Variants in CDH11 observed in about 807,000 individuals in gnomAD.
CDH11 encodes cadherin 11, also known as cadherin-11.
In CDH11, 11 loss-of-function variants were observed where a neutral mutation model predicts 67.8. The ratio of observed to expected loss-of-function variants is 0.16; its 90% CI spans 0.10 to 0.27. The LOEUF (loss-of-function observed/expected upper bound fraction) is 0.27, where lower values mean the gene tolerates loss of function less well. CDH11 is among the 10% of genes least tolerant of loss of function. The pLI is 1.00. For missense variants in CDH11, 847 were observed against 1,031.2 expected, an observed-to-expected ratio of 0.82 and a Z score of 2.45; for synonymous variants, 419 against 400.0, an observed-to-expected ratio of 1.05 and a Z score of -0.57.
At chr16:65,048,532 C>T (rs937552816) in intron 2 of CDH11, among the ~76,000 whole-genome samples, 20 of 150,544 alleles carry the variant, frequency 1.3e-4, no homozygotes, top group Middle Eastern at 3.5e-3. Context: ...GAAAATGTGG[C>T]GTGTGTGTGT....
At chr16:64,957,982 A>C (rs1393885530) in intron 11 of CDH11, among the ~76,000 whole-genome samples, 1 of 152,190 alleles carries the variant, frequency 6.6e-6, no homozygotes, top group Non-Finnish European at 1.5e-5. Flanking sequence ...TGAACTTACT[A>C]GTCTGTGTGT....
At chr16:65,012,961 ATT>A (rs2073213349) in intron 2 of CDH11, among the ~76,000 whole-genome samples, 1 of 152,210 alleles carries the variant, frequency 6.6e-6, no homozygotes, top group Non-Finnish European at 1.5e-5. Context: ...AGGTTCTGCT[ATT>A]GAACCATAGT....
chr16:64,979,854 G>A lies in CDH11; in HGVS notation c.1253+2194C>T, dbSNP rs142633075. On this transcript the variant is annotated intron_variant, in intron 8 of 12. Coordinates refer to ENST00000268603, the MANE Select transcript of CDH11 (RefSeq NM_001797.4). ...GATAAATGAGCAAATAAAATGTGGTGCACCCATACAATGAAAAATTACTTC... is the reference window on the plus strand; with the variant it reads ...GATAAATGAGCAAATAAAATGTGGTACACCCATACAATGAAAAATTACTTC... 2.6e-3 allele frequency among the ~76,000 whole-genome samples: 344 copies of A among 132,940 alleles called. 4 individuals are homozygous for A. Among genetic ancestry groups the A allele is most frequent in the African/African-American group, 8.1e-3 (315 of 39,026 alleles). 87.2% of individuals were successfully genotyped at this position (132,940 alleles called of 152,430 possible).
chr16:65,033,273 T>A (rs8053532), intron 2 of CDH11, among the ~76,000 whole-genome samples: 1 of 103,564 alleles, frequency 9.7e-6, no homozygotes, highest in South Asian at 2.8e-4. Flanking sequence ...CACACACACA[T>A]ACAGATTTTG....
intron 2 of CDH11, among the ~76,000 whole-genome samples, chr16:65,014,884 T>C (rs914772298): frequency 6.6e-6 from 1 of 151,768 alleles, no homozygotes; most frequent in African/African-American, 2.4e-5. Context: ...AGATGGAGTT[T>C]CGCTCTTTTT....
intron 4 of CDH11, among the ~76,000 whole-genome samples, chr16:64,993,427 T>C (rs2072682910): frequency 6.6e-6 from 1 of 152,192 alleles, no homozygotes; most frequent in Admixed American, 6.5e-5. Flanking sequence ...TAATTAACGA[T>C]AAATTGCTTT....
chr16:65,066,864 C>T (rs1200554576), intron 1 of CDH11, among the ~76,000 whole-genome samples: 1 of 152,202 alleles, frequency 6.6e-6, no homozygotes, highest in Non-Finnish European at 1.5e-5. Flanking sequence ...TGCTGCAAAC[C>T]ATAAACACAG....
At chr16:65,051,434 G>C (rs2074055018) in intron 2 of CDH11, among the ~76,000 whole-genome samples, 1 of 126,408 alleles carries the variant, frequency 7.9e-6, no homozygotes, top group Non-Finnish European at 1.6e-5. Context: ...ATTCATTCAG[G>C]AGAAAGGCAG....
rs2073016663 is a variant in CDH11, at chr16:65,004,982, T to C, written c.-113A>G. 2 of 1,425,832 alleles carry C rather than the reference T, an allele frequency of 1.4e-6. No individual in the cohort carries two copies. Among genetic ancestry groups the C allele is most frequent in the African/African-American group, 1.5e-5 (1 of 68,790 alleles). The allele number at this position is 1,425,832 out of a possible 1,614,324, so 88.3% of individuals were successfully genotyped here. A position where few individuals can be genotyped will look rare whatever the true frequency, so the allele number is the denominator to read the frequency against. On this transcript the variant is annotated 5_prime_UTR_variant, in exon 3 of 13. Coordinates refer to ENST00000268603, the MANE Select transcript of CDH11 (RefSeq NM_001797.4). ...CGCGTCACGCAGACCTCTCTTGGGA[T>C]GGAATGTCTCTGCTGGTTGAGCTCA...
chr16:64,978,900 AAAAAG>A (rs2072251479), intron 8 of CDH11, among the ~76,000 whole-genome samples: 1 of 152,314 alleles, frequency 6.6e-6, no homozygotes, highest in African/African-American at 2.4e-5. Flanking sequence ...GACATTAAAA[AAAAAG>A]AATAGACCCA....
In CDH11 at chr16:65,003,028, G is replaced by A. The variant is rs941676205; in HGVS notation, c.228+1614C>T. On this transcript the variant is annotated intron_variant, in intron 3 of 12. Coordinates refer to ENST00000268603, the MANE Select transcript of CDH11 (RefSeq NM_001797.4). Reference sequence around the variant, plus strand: ...ATCTAGTTTACATTTTGCCTAGCACGGCAGCTGCTCCACATGATAGGATTT... The same window carrying A: ...ATCTAGTTTACATTTTGCCTAGCACAGCAGCTGCTCCACATGATAGGATTT... Among the ~76,000 whole-genome samples the A allele has an allele frequency of 4.1e-5, 6 of 147,788 alleles. No individual in the cohort carries two copies. The South Asian group carries it at 6.4e-4, about 16-fold the overall frequency.
chr16:65,114,487 A>G (rs1261131440), intron 1 of CDH11, among the ~76,000 whole-genome samples: 2 of 151,852 alleles, frequency 1.3e-5, no homozygotes, highest in East Asian at 3.9e-4. Flanking sequence ...TCATTTTCCT[A>G]TTTGTAAATA....
intron 11 of CDH11, among the ~76,000 whole-genome samples, chr16:64,965,241 G>C (rs868543983): frequency 6.6e-6 from 1 of 150,484 alleles, no homozygotes; most frequent in African/African-American, 2.4e-5. Context: ...AATTAGCCGG[G>C]TGTGCTGGCG....
intron 1 of CDH11, among the ~76,000 whole-genome samples, chr16:65,095,962 C>A (rs1160460731): frequency 6.6e-6 from 1 of 152,158 alleles, no homozygotes; most frequent in Non-Finnish European, 1.5e-5. Context: ...TCAGTAATTA[C>A]AAATTGAAAA....
chr16:65,016,792 A>G (rs993816794), intron 2 of CDH11, among the ~76,000 whole-genome samples: 1 of 152,232 alleles, frequency 6.6e-6, no homozygotes, highest in Non-Finnish European at 1.5e-5. Context: ...CCATAGACAG[A>G]GTAGCAGCAT....
In CDH11 at chr16:65,061,735, C is replaced by T. The variant is rs1597147403; in HGVS notation, c.-297-7807G>A. On this transcript the variant is annotated intron_variant, in intron 1 of 12. Coordinates refer to ENST00000268603, the MANE Select transcript of CDH11 (RefSeq NM_001797.4). The stretch of plus-strand genomic sequence containing the variant: ...ATCATGTACATATGATGCTAACTCT[C>T]AGCATTTCTCTATCCCCCAGGAGCT... Among the ~76,000 whole-genome samples, 5 of 152,326 alleles carry T rather than the reference C, an allele frequency of 3.3e-5. No homozygotes were observed. The South Asian group carries it at 1.0e-3, about 32-fold the overall frequency.
At chr16:65,009,915 C>A (rs2073140848) in intron 2 of CDH11, among the ~76,000 whole-genome samples, 1 of 152,174 alleles carries the variant, frequency 6.6e-6, no homozygotes, top group Admixed American at 6.5e-5. Flanking sequence ...AGCCACCGTG[C>A]CTTGAGCATA....
At chr16:65,063,326 T>C (rs2074263312) in intron 1 of CDH11, among the ~76,000 whole-genome samples, 1 of 152,066 alleles carries the variant, frequency 6.6e-6, no homozygotes, top group Non-Finnish European at 1.5e-5. Flanking sequence ...TGTTAAGAAC[T>C]GAAAATAAAG....
chr16:64,972,895 A>T lies in CDH11; in HGVS notation c.1390+9T>A, dbSNP rs747671593. 1.9e-5 allele frequency: 30 copies of T among 1,613,490 alleles called. No homozygotes were observed. In the East Asian group the frequency reaches 6.2e-4, roughly 34 times the overall value. Reference sequence around the variant, plus strand: ...AAAGTAGAATCAAAACCATGAGGAGAATACTTACGGATTTCTGCTGCAAAG... The same window carrying T: ...AAAGTAGAATCAAAACCATGAGGAGTATACTTACGGATTTCTGCTGCAAAG... On this transcript the variant is annotated intron_variant, in intron 9 of 12. Transcript: ENST00000268603.
Sources: gnomAD v4.1 joint callset for allele counts (sites outside exome capture counted in the v4.1 genomes callset) on GRCh38, gnomAD v4.1.1 for gene constraint, MANE v1.5 for transcripts, NCBI Gene and HGNC (gene_info 2026-07-23, HGNC 2026-07-21) for gene names.